The following NALCN variants were observed in gnomAD, a reference collection of about 807,000 sequenced individuals.
NALCN encodes sodium leak channel NALCN.
Under a neutral mutation model 225.3 loss-of-function variants are expected in NALCN, and 111 were observed. That is an observed-to-expected ratio of 0.49 (90% CI 0.42 to 0.58). NALCN has a LOEUF of 0.58. NALCN is among the 20% of genes least tolerant of loss of function. NALCN has a pLI of 0.00. For missense variants in NALCN, 1,378 were observed against 2,202.4 expected (o/e 0.63, Z 7.49); for synonymous variants, 764 against 769.0 (o/e 0.99, Z 0.11).
At chr13:101,297,542 T>G (rs1385387043) in intron 7 of NALCN, among the ~76,000 whole-genome samples, 1 of 152,228 alleles carries the variant, frequency 6.6e-6, no homozygotes, top group Non-Finnish European at 1.5e-5. Flanking sequence ...AGACAGCTCC[T>G]TACCAGGTAT....
chr13:101,342,134 T>TA (rs148013678), intron 7 of NALCN, among the ~76,000 whole-genome samples: 3,087 of 152,290 alleles, frequency 0.02, 113 homozygotes, highest in African/African-American at 0.07. Context: ...TGAAGGTTTT[T>TA]ATAATACAGG....
rs577025562 is a variant in NALCN at position 101,172,396 on chromosome 13, A to G, written c.1839+3904T>C. 3.3e-5 allele frequency among the ~76,000 whole-genome samples: 5 copies of G among 151,292 alleles called. No individual in the cohort carries two copies. The East Asian group carries it at 9.8e-4, about 30-fold the overall frequency. Reference sequence around the variant, plus strand: ...TTCATATCTGGTGTTTTCCTACTTCACTTCTTCCTTCTTTTCCATTATAAT... The same window carrying G: ...TTCATATCTGGTGTTTTCCTACTTCGCTTCTTCCTTCTTTTCCATTATAAT... On this transcript the variant is annotated intron_variant, in intron 15 of 43. Transcript: ENST00000251127.
At chr13:101,203,669 G>C (rs897458859) in intron 13 of NALCN, among the ~76,000 whole-genome samples, 1 of 152,150 alleles carries the variant, frequency 6.6e-6, no homozygotes, top group Admixed American at 6.5e-5. Context: ...TGTTTTCAAA[G>C]ACATTATTTC....
At position 101,372,227 on chromosome 13, in the gene NALCN, T is replaced by C. The variant is rs770471205; in HGVS notation, c.644+4473A>G. Among the ~76,000 whole-genome samples, 77 of 152,242 alleles carry C rather than the reference T, an allele frequency of 5.1e-4. No homozygotes were observed. The Middle Eastern group carries it at 0.031, about 61-fold the overall frequency. On this transcript the variant is annotated intron_variant, in intron 6 of 43. Transcript: ENST00000251127. ...CAAAAACTGACAAAAATAAGAGAGATTGAAAATTTCTGTCATGTCTAGAAA... is the reference window on the plus strand; with the variant it reads ...CAAAAACTGACAAAAATAAGAGAGACTGAAAATTTCTGTCATGTCTAGAAA...
At chr13:101,262,619 T>G (rs1016428187) in intron 10 of NALCN, among the ~76,000 whole-genome samples, 1 of 152,232 alleles carries the variant, frequency 6.6e-6, no homozygotes, top group African/African-American at 2.4e-5. Context: ...AGAGCTATTT[T>G]CCTTAGCTGT....
chr13:101,208,599 A>T (rs1566432864), intron 13 of NALCN, among the ~76,000 whole-genome samples: 2 of 152,162 alleles, frequency 1.3e-5, no homozygotes, highest in African/African-American at 4.8e-5. Flanking sequence ...TCCAAATCCC[A>T]TGTTGAAATG....
At chr13:101,075,606 T>C (rs1445220162) in intron 35 of NALCN, among the ~76,000 whole-genome samples, 1 of 151,914 alleles carries the variant, frequency 6.6e-6, no homozygotes, top group South Asian at 2.1e-4. Context: ...TGGTTATCTT[T>C]AATTAATTAA....
chr13:101,198,461 C>A (rs1026289898), intron 13 of NALCN, among the ~76,000 whole-genome samples: 2 of 152,062 alleles, frequency 1.3e-5, no homozygotes, highest in African/African-American at 2.4e-5. Context: ...ACAAACAACC[C>A]CATCAAAAAG....
Position 101,100,835 on chromosome 13 carries a change from C to G in NALCN, c.3111G>C (p.Gln1037His). Residue 1037 changes from glutamine (Q) to histidine (H), a missense_variant, in exon 27 of 44, where the codon CAG (glutamine) becomes CAC (histidine). Around this residue, in one of 19 missense-constraint regions of NALCN, gnomAD observed 292 missense variants for 409.5 expected, o/e 0.71. Transcript: ENST00000251127. ...LMLVFASFGV[Q>H]LFAGKLAKCN... is the part of the protein sequence containing the mutation. ...ACTTGGCCAGTTTTCCAGCAAAAAGCTGAACTCCAAAGCTTGCAAAAACGA... is the reference window on the plus strand; with the variant it reads ...ACTTGGCCAGTTTTCCAGCAAAAAGGTGAACTCCAAAGCTTGCAAAAACGA... 3.1e-6 allele frequency: 5 copies of G among 1,612,026 alleles called. No homozygotes were observed. The highest frequency in any genetic ancestry group is 4.2e-6 in the Non-Finnish European group (5 of 1,178,960).
chr13:101,123,675 T>C (rs1305359826), intron 18 of NALCN, among the ~76,000 whole-genome samples: 1 of 152,186 alleles, frequency 6.6e-6, no homozygotes, highest in Non-Finnish European at 1.5e-5. Context: ...TTGAGAGAAA[T>C]ACTGTCTTGA....
intron 7 of NALCN, among the ~76,000 whole-genome samples, chr13:101,309,545 T>G (rs1315081568): frequency 6.6e-6 from 1 of 152,226 alleles, no homozygotes; most frequent in Non-Finnish European, 1.5e-5. Context: ...ATATTCATTT[T>G]GTCTATTGGC....
chr13:101,160,194 T>G (rs2038110973), intron 15 of NALCN, among the ~76,000 whole-genome samples: 1 of 152,180 alleles, frequency 6.6e-6, no homozygotes, highest in Non-Finnish European at 1.5e-5. Context: ...GACCTTGTGA[T>G]CTGCCCGCCT....
chr13:101,388,641 T>G (rs1356242340), intron 3 of NALCN, among the ~76,000 whole-genome samples: 3 of 152,242 alleles, frequency 2.0e-5, no homozygotes, highest in Non-Finnish European at 2.9e-5. Context: ...ATAATTTATA[T>G]ATTAAGTATG....
chr13:101,391,584 T>G (rs1361353910), intron 3 of NALCN, among the ~76,000 whole-genome samples: 1 of 152,014 alleles, frequency 6.6e-6, no homozygotes, highest in Non-Finnish European at 1.5e-5. Flanking sequence ...CATGGGAGGA[T>G]GAGGTGGGAG....
rs761020429 is a variant in NALCN at position 101,055,375 on chromosome 13, C to A, written c.5137G>T (p.Gly1713Cys). ...MNPMTDAASC[G>C]SEVKKWWTRQ... ...GTCCACCACTTCTTAACTTCAGAAC[C>A]GCAGGAAGCCGCGTCAGTCATGGGG... The change falls in exon 44 of 44, where the codon GGT (glycine) becomes TGT (cysteine). Residue 1713 changes from glycine to cysteine, a missense_variant. By Grantham distance (159) the Gly-to-Cys change is radical. Transcript: ENST00000251127. The A allele has an allele frequency of 6.2e-7, 1 of 1,614,120 alleles. No homozygotes were observed. Among genetic ancestry groups the A allele is most frequent in the Non-Finnish European group, 8.5e-7 (1 of 1,180,012 alleles).
intron 13 of NALCN, among the ~76,000 whole-genome samples, chr13:101,201,067 A>T (rs796433463): frequency 1.3e-5 from 2 of 152,204 alleles, no homozygotes; most frequent in African/African-American, 4.8e-5. Context: ...TGTGCATATA[A>T]ATGCTTGAAA....
At chr13:101,179,303 C>T (rs1250136732) in intron 14 of NALCN, among the ~76,000 whole-genome samples, 1 of 144,336 alleles carries the variant, frequency 6.9e-6, no homozygotes, top group Non-Finnish European at 1.6e-5. Flanking sequence ...AATAGCTCAA[C>T]AAATTGCAGC....
At chr13:101,307,136 T>C (rs2044179266) in intron 7 of NALCN, among the ~76,000 whole-genome samples, 1 of 152,202 alleles carries the variant, frequency 6.6e-6, no homozygotes. Context: ...GCTACTATTA[T>C]GGAGATCCTT....
intron 15 of NALCN, among the ~76,000 whole-genome samples, chr13:101,172,783 G>A (rs976916802): frequency 6.6e-6 from 1 of 152,038 alleles, no homozygotes; most frequent in Non-Finnish European, 1.5e-5. Flanking sequence ...TAGCCAGGAT[G>A]GTCTCGATCT....
Sources: allele counts gnomAD v4.1 joint callset (sites outside exome capture counted in the v4.1 genomes callset), GRCh38; gene constraint gnomAD v4.1.1; regional missense constraint gnomAD v4.1.1; transcripts MANE v1.5; gene names NCBI Gene and HGNC (gene_info 2026-07-23, HGNC 2026-07-21).